Variants in GRM7 observed in about 807,000 individuals in gnomAD.
GRM7 encodes the protein glutamate metabotropic receptor 7.
A neutral mutation model predicts 84.5 loss-of-function variants in GRM7; 35 were observed. The observed-to-expected ratio is 0.41, with a 90% CI of 0.32 to 0.55. The LOEUF (loss-of-function observed/expected upper bound fraction) is 0.55, where lower values mean the gene tolerates loss of function less well. GRM7 is among the 20% of genes least tolerant of loss of function. GRM7 has a pLI of 0.19. For synonymous variants in GRM7, 487 were observed against 455.1 expected, an observed-to-expected ratio of 1.07 and a Z score of -0.89; for missense variants, 1,003 against 1,194.6, an observed-to-expected ratio of 0.84 and a Z score of 2.36.
intron 7 of GRM7, among the ~76,000 whole-genome samples, chr3:7,463,815 T>G (rs1698351691): frequency 6.6e-6 from 1 of 152,146 alleles, no homozygotes. Flanking sequence ...ACCCCTTGTA[T>G]GTCATGATAC....
In GRM7 at chr3:7,000,689, C is replaced by A. The variant is rs117547904; in HGVS notation, c.519+138782C>A. On this transcript the variant is annotated intron_variant, in intron 1 of 9. Transcript: ENST00000357716. ...TGTGAAATATGTCAGCATGTGTGGA[C>A]TGACTGATGCACTTTGGCATTTCTT... Among the ~76,000 whole-genome samples, 331 of 152,252 alleles carry A rather than the reference C, an allele frequency of 2.2e-3. 1 individual carries two copies. The East Asian group carries it at 0.027, about 13-fold the overall frequency.
At chr3:7,700,772 A>G (rs981393737) in intron 9 of GRM7, among the ~76,000 whole-genome samples, 3 of 152,170 alleles carry the variant, frequency 2.0e-5, no homozygotes, top group South Asian at 2.1e-4. Flanking sequence ...ATTGTTAGGG[A>G]AAAAAAGGAC....
At chr3:7,164,098 C>A (rs1694720788) in intron 2 of GRM7, among the ~76,000 whole-genome samples, 1 of 152,170 alleles carries the variant, frequency 6.6e-6, no homozygotes, top group East Asian at 1.9e-4. Context: ...GTGGCTCACA[C>A]CTGTAATCCC....
intron 2 of GRM7, among the ~76,000 whole-genome samples, chr3:7,177,082 A>G (rs1407340218): frequency 6.6e-6 from 1 of 152,032 alleles, no homozygotes; most frequent in Non-Finnish European, 1.5e-5. Flanking sequence ...TTTTGTTCCC[A>G]TTCTCTATCA....
At chr3:7,061,845 C>T (rs182561922) in intron 1 of GRM7, among the ~76,000 whole-genome samples, 30 of 151,836 alleles carry the variant, frequency 2.0e-4, no homozygotes, top group African/African-American at 7.0e-4. Context: ...AAGTAACTTT[C>T]TTGTCCAACT....
intron 8 of GRM7, among the ~76,000 whole-genome samples, chr3:7,618,613 C>G (rs911682203): frequency 8.5e-5 from 13 of 152,078 alleles, no homozygotes; most frequent in African/African-American, 3.1e-4. Flanking sequence ...AGAGTGGACT[C>G]TATTAAACTG....
chr3:7,192,248 G>T (rs1963265), intron 2 of GRM7, among the ~76,000 whole-genome samples: 43,626 of 151,890 alleles, frequency 0.29, 6,420 homozygotes, highest in Middle Eastern at 0.38. Flanking sequence ...AGGACCCGAA[G>T]AACATCTAAT....
chr3:7,103,854 C>CTCTGTCTCTCTCTCTCTCTCTCTCTCTT (rs1699209352), intron 1 of GRM7, among the ~76,000 whole-genome samples: 1 of 123,582 alleles, frequency 8.1e-6, no homozygotes, highest in African/African-American at 3.6e-5. Context: ...CTCTCTCTCT[C>CTCTGTCTCTCTCTCTCTCTCTCTCTCTT]TCTTTCTTTC....
chr3:7,383,168 AGGTTCT>A (rs1164163862), intron 4 of GRM7, among the ~76,000 whole-genome samples: 2 of 152,194 alleles, frequency 1.3e-5, no homozygotes, highest in Admixed American at 6.5e-5. Context: ...TCTTTTTCAT[AGGTTCT>A]CATGGAAAAT....
chr3:7,063,069 A>C (rs1697489020), intron 1 of GRM7, among the ~76,000 whole-genome samples: 1 of 151,714 alleles, frequency 6.6e-6, no homozygotes, highest in African/African-American at 2.4e-5. Flanking sequence ...TCCTTCCCCA[A>C]GTAGCACAAG....
In GRM7 at chr3:7,375,331, G is replaced by C. The variant is rs374984515; in HGVS notation, c.1034-39692G>C. On this transcript the variant is annotated intron_variant, in intron 4 of 9. Coordinates refer to ENST00000357716, the MANE Select transcript of GRM7 (RefSeq NM_000844.4). Reference sequence around the variant, plus strand: ...CCTCCCAGGTTCAAGCTATTCTCCTGCCTCAGCCTCCTGAGTGGCTGGGAC... The same window carrying C: ...CCTCCCAGGTTCAAGCTATTCTCCTCCCTCAGCCTCCTGAGTGGCTGGGAC... 4.2e-4 allele frequency among the ~76,000 whole-genome samples: 62 copies of C among 148,566 alleles called. 1 individual carries two copies. In the South Asian group the frequency reaches 0.01, roughly 25 times the overall value.
chr3:7,645,413 GGT>G, intron 8 of GRM7, among the ~76,000 whole-genome samples: 1 of 151,762 alleles, frequency 6.6e-6, no homozygotes. Context: ...TGGGTGTGGT[GGT>G]GCGCGCCTGT....
chr3:7,420,092 CA>C (rs1171013732), intron 5 of GRM7, among the ~76,000 whole-genome samples: 2 of 152,116 alleles, frequency 1.3e-5, no homozygotes, highest in Non-Finnish European at 2.9e-5. Context: ...GTGGAGCTAA[CA>C]AAAAGCCTGT....
chr3:6,897,870 G>T (rs2124997984), intron 1 of GRM7, among the ~76,000 whole-genome samples: 1 of 152,312 alleles, frequency 6.6e-6, no homozygotes. Context: ...TCTTGGTCTA[G>T]CAGGGAAGGA....
At chr3:7,031,086 A>C (rs954021998) in intron 1 of GRM7, among the ~76,000 whole-genome samples, 3 of 152,208 alleles carry the variant, frequency 2.0e-5, no homozygotes, top group African/African-American at 7.2e-5. Flanking sequence ...TAGGTAGAAA[A>C]AAAGTGTGAA....
intron 7 of GRM7, among the ~76,000 whole-genome samples, chr3:7,484,398 A>G (rs1699245584): frequency 6.6e-6 from 1 of 152,162 alleles, no homozygotes; most frequent in Non-Finnish European, 1.5e-5. Flanking sequence ...CCATTCCTTC[A>G]TACTGTGGGG....
chr3:7,319,207 G>C (rs1012383876), intron 4 of GRM7, among the ~76,000 whole-genome samples: 1 of 152,008 alleles, frequency 6.6e-6, no homozygotes, highest in African/African-American at 2.4e-5. Context: ...TAAGCTTAGG[G>C]GGTTGTGTGT....
intron 8 of GRM7, among the ~76,000 whole-genome samples, chr3:7,614,779 G>T (rs895171023): frequency 2.0e-5 from 3 of 152,078 alleles, no homozygotes; most frequent in South Asian, 4.1e-4. Context: ...TTCTGATAAT[G>T]CTAGTATTTT....
chr3:7,117,507 A>T (rs1447431349), intron 1 of GRM7, among the ~76,000 whole-genome samples: 3 of 152,168 alleles, frequency 2.0e-5, no homozygotes, highest in African/African-American at 7.2e-5. Context: ...GGAAGGGGAC[A>T]TTGGATTCCT....
Sources: gnomAD v4.1 joint callset for allele counts (sites outside exome capture counted in the v4.1 genomes callset) on GRCh38, gnomAD v4.1.1 for gene constraint, MANE v1.5 for transcripts, NCBI Gene and HGNC (gene_info 2026-07-23, HGNC 2026-07-21) for gene names.